DCDC1: variants seen among roughly 807,000 people sequenced by gnomAD.
DCDC1 encodes doublecortin domain-containing protein 1.
Under a neutral mutation model 178.3 loss-of-function variants are expected in DCDC1, and 200 were observed. That is an observed-to-expected ratio of 1.12 (90% CI 1.00 to 1.26). The LOEUF (loss-of-function observed/expected upper bound fraction) is 1.26, where lower values mean the gene tolerates loss of function less well. DCDC1 is among the 50% of genes most tolerant of loss of function. The pLI is 0.00. For missense variants in DCDC1, 1,983 were observed against 1,749.2 expected (o/e 1.13, Z -2.38); for synonymous variants, 690 against 604.8 (o/e 1.14, Z -2.07).
At chr11:31,313,435 T>C (rs2137678568) in intron 3 of DCDC1, among the ~76,000 whole-genome samples, 2 of 152,336 alleles carry the variant, frequency 1.3e-5, no homozygotes, top group Admixed American at 1.3e-4. Context: ...CATCTGTCTT[T>C]CAGGGGTCCT....
intron 9 of DCDC1, among the ~76,000 whole-genome samples, chr11:31,172,060 A>G (rs1411114775): frequency 6.6e-6 from 1 of 152,158 alleles, no homozygotes; most frequent in African/African-American, 2.4e-5. Flanking sequence ...TGAATGAAAA[A>G]ACTGATGGTC....
rs750118127 is a variant in DCDC1 at position 31,267,347 on chromosome 11, C to T, written c.961-1747G>A. ...CTGGGATTACAGGCATGCGCCACCACGCCCGGCTAATTTTTTGTATTTTTA... is the reference window on the plus strand; with the variant it reads ...CTGGGATTACAGGCATGCGCCACCATGCCCGGCTAATTTTTTGTATTTTTA... On this transcript the variant is annotated intron_variant, in intron 7 of 38. Coordinates refer to ENST00000684477, the MANE Select transcript of DCDC1 (RefSeq NM_001387274.1). 3.2e-4 allele frequency among the ~76,000 whole-genome samples: 48 copies of T among 152,074 alleles called. 1 individual carries two copies. The highest frequency in any genetic ancestry group is 1.0e-3 in the South Asian group (5 of 4,828).
At chr11:31,240,646 C>T (rs1043248732) in intron 9 of DCDC1, among the ~76,000 whole-genome samples, 1 of 151,980 alleles carries the variant, frequency 6.6e-6, no homozygotes, top group Non-Finnish European at 1.5e-5. Flanking sequence ...CAGTTCTAAA[C>T]TGGAACCTCC....
At chr11:31,315,313 T>A (rs1949017303) in intron 3 of DCDC1, among the ~76,000 whole-genome samples, 1 of 113,030 alleles carries the variant, frequency 8.8e-6, no homozygotes, top group African/African-American at 3.6e-5. Flanking sequence ...ACCCTTTTTT[T>A]TTTTTTTTTT....
At chr11:30,970,500 T>C (rs761148481) in intron 20 of DCDC1, among the ~76,000 whole-genome samples, 4 of 152,132 alleles carry the variant, frequency 2.6e-5, no homozygotes, top group Non-Finnish European at 1.5e-5. Context: ...ACTATGTACA[T>C]TTTCAAGCAC....
intron 9 of DCDC1, among the ~76,000 whole-genome samples, chr11:31,165,604 C>T (rs1269161908): frequency 6.6e-6 from 1 of 152,232 alleles, no homozygotes; most frequent in African/African-American, 2.4e-5. Flanking sequence ...AGCCACTGCA[C>T]CTGGCTGAAA....
chr11:31,123,722 G>A (rs1011691344), intron 11 of DCDC1, among the ~76,000 whole-genome samples: 1 of 151,902 alleles, frequency 6.6e-6, no homozygotes, highest in Admixed American at 6.6e-5. Context: ...AAATGGAGCT[G>A]AGTACTTTAT....
Position 31,168,065 on chromosome 11 carries a change from C to T in DCDC1, c.1222-30281G>A, listed in dbSNP as rs191311337. 3.1e-3 allele frequency among the ~76,000 whole-genome samples: 470 copies of T among 152,296 alleles called. 7 individuals carry two copies. Among genetic ancestry groups the T allele is most frequent in the Middle Eastern group, 6.8e-3 (2 of 294 alleles). The stretch of plus-strand genomic sequence containing the variant: ...CAACCTCTCCCTAATACAATGTACT[C>T]ATCTTTTGAGTTTGAAGTCAAGTCC... On this transcript the variant is annotated intron_variant, in intron 9 of 38. Coordinates refer to ENST00000684477, the MANE Select transcript of DCDC1 (RefSeq NM_001387274.1).
intron 18 of DCDC1, among the ~76,000 whole-genome samples, chr11:31,075,766 C>G (rs2135548333): frequency 6.6e-6 from 1 of 152,302 alleles, no homozygotes; most frequent in Admixed American, 6.5e-5. Flanking sequence ...CTGCTGAGTT[C>G]CTTGTAAATT....
chr11:31,145,840 G>A (rs553591920), intron 9 of DCDC1, among the ~76,000 whole-genome samples: 4 of 152,266 alleles, frequency 2.6e-5, no homozygotes, highest in Non-Finnish European at 4.4e-5. Flanking sequence ...CTAAATATGT[G>A]CAGTGTGGCT....
intron 1 of DCDC1, among the ~76,000 whole-genome samples, chr11:31,362,436 A>G (rs1564933161): frequency 6.6e-6 from 1 of 152,196 alleles, no homozygotes; most frequent in African/African-American, 2.4e-5. Context: ...ACATCAGACA[A>G]GGTAGTAATT....
chr11:31,169,411 A>G (rs1418474365), intron 9 of DCDC1, among the ~76,000 whole-genome samples: 1 of 152,228 alleles, frequency 6.6e-6, no homozygotes, highest in East Asian at 1.9e-4. Flanking sequence ...AACTGGGGAT[A>G]TAGATTCAGA....
chr11:31,135,684 G>T (rs1963042973), intron 10 of DCDC1, among the ~76,000 whole-genome samples: 1 of 152,074 alleles, frequency 6.6e-6, no homozygotes, highest in African/African-American at 2.4e-5. Flanking sequence ...CTGTGTATTT[G>T]TTTTTGAAGT....
chr11:30,985,131 C>A (rs1313205814), intron 20 of DCDC1, among the ~76,000 whole-genome samples: 2 of 152,286 alleles, frequency 1.3e-5, no homozygotes, highest in East Asian at 3.9e-4. Context: ...GTTTCCCACA[C>A]TTCAAGTCTT....
At chr11:31,106,321 T>G (rs751070850) in intron 13 of DCDC1, among the ~76,000 whole-genome samples, 6 of 152,228 alleles carry the variant, frequency 3.9e-5, no homozygotes, top group African/African-American at 7.2e-5. Flanking sequence ...TGTGAAAACA[T>G]AGAGAGATAG....
At chr11:31,011,665 A>T (rs967355511) in intron 20 of DCDC1, among the ~76,000 whole-genome samples, 1 of 152,228 alleles carries the variant, frequency 6.6e-6, no homozygotes, top group African/African-American at 2.4e-5. Context: ...CTATGTAAAA[A>T]TACAAATAAA....
In DCDC1 at chr11:31,328,945, C is replaced by CTTTTT. The variant is rs1176942329; in HGVS notation, c.-6-664_-6-660dup. Among the ~76,000 whole-genome samples the CTTTTT allele has an allele frequency of 3.3e-3, 158 of 47,808 alleles. 22 individuals are homozygous for CTTTTT. The highest frequency in any genetic ancestry group is 4.6e-3 in the Non-Finnish European group (109 of 23,772). The allele number at this position is 47,808 out of a possible 152,430, so 31.4% of individuals were successfully genotyped here. On this transcript the variant is annotated intron_variant, in intron 2 of 38. Transcript: ENST00000684477. ...GTTACTGAAAAAGCACACCACAAGG[C>CTTTTT]TTTTTTTTTTTTTTTTTTTTTTTTT...
intron 20 of DCDC1, among the ~76,000 whole-genome samples, chr11:30,986,752 G>T (rs1283515719): frequency 1.3e-5 from 2 of 152,114 alleles, no homozygotes; most frequent in African/African-American, 4.8e-5. Context: ...ATGAAAATTT[G>T]TAGACAATCA....
chr11:31,274,354 C>A (rs897706929), intron 7 of DCDC1, among the ~76,000 whole-genome samples: 1 of 152,120 alleles, frequency 6.6e-6, no homozygotes, highest in Non-Finnish European at 1.5e-5. Context: ...TGGCAGTGAG[C>A]AAAACCAGCC....
Sources: gnomAD v4.1 joint callset for allele counts (sites outside exome capture counted in the v4.1 genomes callset) on GRCh38, gnomAD v4.1.1 for gene constraint, MANE v1.5 for transcripts, NCBI Gene and HGNC (gene_info 2026-07-23, HGNC 2026-07-21) for gene names.